The following ZDHHC21 variants were observed in gnomAD, a reference collection of about 807,000 sequenced individuals.
ZDHHC21 encodes zDHHC palmitoyltransferase 21, also known as palmitoyltransferase ZDHHC21.
A neutral mutation model predicts 34.6 loss-of-function variants in ZDHHC21; 15 were observed. That is an observed-to-expected ratio of 0.43 (90% CI 0.29 to 0.67). The LOEUF is 0.67. Among genes scored for constraint, ZDHHC21 ranks in the 30% least tolerant of loss-of-function variants. ZDHHC21 has a pLI of 0.14. For missense variants in ZDHHC21, 344 were observed against 327.7 expected (o/e 1.05, Z -0.38); for synonymous variants, 142 against 101.8 (o/e 1.40, Z -2.38).
Position 14,674,168 on chromosome 9 carries a change from T to C in ZDHHC21, c.154+19A>G. The C allele has an allele frequency of 6.9e-7, 1 of 1,452,730 alleles. No homozygotes were observed. 90.0% of individuals were successfully genotyped at this position (1,452,730 alleles called of 1,614,324 possible). A position where few individuals can be genotyped will look rare whatever the true frequency, so the allele number is the denominator to read the frequency against. On this transcript the variant is annotated intron_variant, in intron 4 of 9. Coordinates refer to ENST00000380916, the MANE Select transcript of ZDHHC21 (RefSeq NM_178566.6). ...TGAGAAAAATAATTATACAAGAAAATAAAGATCAAGAAACTTACTTATTAT... is the reference window on the plus strand; with the variant it reads ...TGAGAAAAATAATTATACAAGAAAACAAAGATCAAGAAACTTACTTATTAT...
the ZDHHC21 span, among the ~76,000 whole-genome samples, chr9:14,599,370 G>A: frequency 6.6e-6 from 1 of 152,278 alleles, no homozygotes; most frequent in South Asian, 2.1e-4. Context: ...TCTTAGCTAA[G>A]GGAAGCTGTG....
At chr9:14,592,977 C>T in the ZDHHC21 span, among the ~76,000 whole-genome samples, 1 of 151,990 alleles carries the variant, frequency 6.6e-6, no homozygotes, top group African/African-American at 2.4e-5. Context: ...AAAAAGAACA[C>T]AGCATATCAA....
chr9:14,591,095 A>C, the ZDHHC21 span, among the ~76,000 whole-genome samples: 94 of 152,272 alleles, frequency 6.2e-4, 1 homozygote, highest in African/African-American at 2.2e-3. Context: ...TTAAAAATTA[A>C]AAGAGGTATA....
intron 2 of ZDHHC21, among the ~76,000 whole-genome samples, chr9:14,683,971 T>C (rs1160265409): frequency 6.6e-6 from 1 of 152,218 alleles, no homozygotes; most frequent in Non-Finnish European, 1.5e-5. Flanking sequence ...TCTCAATAGA[T>C]GCAGAAAAGG....
At chr9:14,598,813 C>T in the ZDHHC21 span, among the ~76,000 whole-genome samples, 16 of 152,074 alleles carry the variant, frequency 1.1e-4, no homozygotes, top group Non-Finnish European at 5.9e-5. Flanking sequence ...TGCAGTGTGG[C>T]ACAATCATGC....
chr9:14,643,379 A>C (rs1013511606), intron 7 of ZDHHC21, among the ~76,000 whole-genome samples: 2 of 152,276 alleles, frequency 1.3e-5, no homozygotes, highest in South Asian at 2.1e-4. Context: ...CCCTACCCTA[A>C]AGGTAAAGGT....
At chr9:14,592,451 G>C in the ZDHHC21 span, among the ~76,000 whole-genome samples, 63 of 152,072 alleles carry the variant, frequency 4.1e-4, no homozygotes, top group African/African-American at 1.5e-3. Flanking sequence ...CAACAGTACA[G>C]TATACAGTCA....
intron 7 of ZDHHC21, among the ~76,000 whole-genome samples, chr9:14,647,016 T>G (rs1437954355): frequency 6.6e-6 from 1 of 152,100 alleles, no homozygotes; most frequent in Admixed American, 6.6e-5. Context: ...GAACTGTCTC[T>G]TCCCTCAACA....
At chr9:14,620,630 G>C (rs1158286673) in intron 8 of ZDHHC21, among the ~76,000 whole-genome samples, 1 of 151,852 alleles carries the variant, frequency 6.6e-6, no homozygotes, top group African/African-American at 2.4e-5. Flanking sequence ...AACTTATTTG[G>C]CTGCAAAACT....
At chr9:14,675,232 T>G (rs1836159692) in intron 3 of ZDHHC21, among the ~76,000 whole-genome samples, 2 of 151,814 alleles carry the variant, frequency 1.3e-5, no homozygotes, top group Middle Eastern at 3.4e-3. Flanking sequence ...ACCAAAAAAG[T>G]GACTAAAAAT....
Position 14,622,094 on chromosome 9 carries a change from C to T in ZDHHC21, c.622-2412G>A, listed in dbSNP as rs557126577. 2.6e-5 allele frequency among the ~76,000 whole-genome samples: 4 copies of T among 152,142 alleles called. No homozygotes were observed. In the East Asian group the frequency reaches 7.7e-4, roughly 29 times the overall value. On this transcript the variant is annotated intron_variant, in intron 8 of 9. Transcript: ENST00000380916. ...TAACAAACAAGTTTTTACTATGTGT[C>T]GTCTACCAGAACACTTTTATTTATA...
intron 1 of ZDHHC21, among the ~76,000 whole-genome samples, chr9:14,691,288 T>A (rs910290018): frequency 6.6e-6 from 1 of 152,174 alleles, no homozygotes; most frequent in African/African-American, 2.4e-5. Flanking sequence ...CCAAAGAGGT[T>A]TTCGGGAAAA....
rs1344131648 is a variant in ZDHHC21, at chr9:14,685,898, CT to C, written c.-176+4438del. 6.6e-5 allele frequency among the ~76,000 whole-genome samples: 10 copies of C among 152,288 alleles called. No homozygotes were observed. The South Asian group carries it at 2.1e-3, about 32-fold the overall frequency. On this transcript the variant is annotated intron_variant, in intron 2 of 9. Transcript: ENST00000380916. ...CCATAAAAAAGGATGAGTTCATGTCCTTTGTAGGGACACGGATGAAGCCTGA... is the reference window on the plus strand; with the variant it reads ...CCATAAAAAAGGATGAGTTCATGTCCTTGTAGGGACACGGATGAAGCCTGA...
At chr9:14,653,432 A>G (rs1192001537) in intron 7 of ZDHHC21, among the ~76,000 whole-genome samples, 6 of 152,078 alleles carry the variant, frequency 3.9e-5, no homozygotes, top group Admixed American at 3.3e-4. Flanking sequence ...GTAATTTACA[A>G]AAGAACTGCT....
intron 8 of ZDHHC21, among the ~76,000 whole-genome samples, chr9:14,637,472 A>G (rs557282820): frequency 1.3e-5 from 2 of 152,090 alleles, no homozygotes; most frequent in Non-Finnish European, 2.9e-5. Context: ...AAGTGTTAAA[A>G]TAAGTAGAAC....
At chr9:14,608,471 A>C (rs527474684), downstream of ZDHHC21, among the ~76,000 whole-genome samples, 4 of 152,274 alleles carry the variant, frequency 2.6e-5, no homozygotes, top group South Asian at 4.1e-4. Context: ...CCAAGTTCCT[A>C]ATTTCCTCAA....
the ZDHHC21 span, among the ~76,000 whole-genome samples, chr9:14,597,368 A>G: frequency 2.0e-5 from 3 of 152,082 alleles, no homozygotes; most frequent in African/African-American, 7.2e-5. Context: ...CTCTAGCCCA[A>G]GCAGTATCCT....
the ZDHHC21 span, among the ~76,000 whole-genome samples, chr9:14,597,924 C>T: frequency 6.6e-6 from 1 of 152,122 alleles, no homozygotes; most frequent in Admixed American, 6.5e-5. Flanking sequence ...AACATGCCCT[C>T]CCCCTCCACA....
At chr9:14,608,167 C>T (rs1213560085), downstream of ZDHHC21, among the ~76,000 whole-genome samples, 2 of 152,166 alleles carry the variant, frequency 1.3e-5, no homozygotes, top group East Asian at 3.9e-4. Flanking sequence ...AAAGCTTACA[C>T]AAGTTATAAA....
Sources: allele counts gnomAD v4.1 joint callset (sites outside exome capture counted in the v4.1 genomes callset), GRCh38; gene constraint gnomAD v4.1.1; transcripts MANE v1.5; gene names NCBI Gene and HGNC (gene_info 2026-07-23, HGNC 2026-07-21).